Variants in LSAMP observed in about 807,000 individuals in gnomAD.
LSAMP encodes limbic system associated membrane protein, also known as limbic system-associated membrane protein.
LSAMP carries 7 observed loss-of-function variants against 38.6 expected under a neutral mutation model. The ratio of observed to expected loss-of-function variants is 0.18; its 90% CI spans 0.10 to 0.34. LSAMP has a LOEUF of 0.34. Among genes scored for constraint, LSAMP ranks in the 10% least tolerant of loss-of-function variants. LSAMP has a pLI of 1.00. For synonymous variants in LSAMP, 154 were observed against 166.8 expected (o/e 0.92, Z 0.59); for missense variants, 313 against 420.0 (o/e 0.75, Z 2.23).
chr3:115,931,794 G>A (rs1487327437), intron 3 of LSAMP, among the ~76,000 whole-genome samples: 1 of 152,148 alleles, frequency 6.6e-6, no homozygotes, highest in Non-Finnish European at 1.5e-5. Context: ...ACTTTTCTAA[G>A]TTTATTGAAG....
chr3:115,966,029 C>A (rs1337669560), intron 3 of LSAMP, among the ~76,000 whole-genome samples: 1 of 152,152 alleles, frequency 6.6e-6, no homozygotes, highest in Non-Finnish European at 1.5e-5. Flanking sequence ...GGCTCCATGG[C>A]AAACTGGCAG....
chr3:116,273,161 C>T (rs1351479009), intron 1 of LSAMP, among the ~76,000 whole-genome samples: 1 of 152,050 alleles, frequency 6.6e-6, no homozygotes, highest in Admixed American at 6.6e-5. Flanking sequence ...TGACCTACTA[C>T]ACCAGCCAAA....
intron 3 of LSAMP, among the ~76,000 whole-genome samples, chr3:115,869,133 T>C (rs1402862649): frequency 6.6e-6 from 1 of 151,978 alleles, no homozygotes; most frequent in Non-Finnish European, 1.5e-5. Context: ...AATTCAGAAG[T>C]ATAGTAAAGA....
At chr3:116,135,650 G>T (rs1318532709) in intron 1 of LSAMP, among the ~76,000 whole-genome samples, 1 of 152,144 alleles carries the variant, frequency 6.6e-6, no homozygotes, top group East Asian at 1.9e-4. Context: ...ATGGAAACCA[G>T]AAATCACTGC....
chr3:116,328,860 C>G (rs2047811623), intron 1 of LSAMP, among the ~76,000 whole-genome samples: 1 of 151,978 alleles, frequency 6.6e-6, no homozygotes, highest in African/African-American at 2.4e-5. Context: ...TAAAAATTAA[C>G]AGTATTCTTA....
At chr3:116,329,761 C>G (rs2047824019) in intron 1 of LSAMP, among the ~76,000 whole-genome samples, 1 of 151,938 alleles carries the variant, frequency 6.6e-6, no homozygotes, top group Admixed American at 6.6e-5. Flanking sequence ...AGCAGAATAT[C>G]TAATTTTGGA....
chr3:116,427,810 C>T (rs2049223963), intron 1 of LSAMP, among the ~76,000 whole-genome samples: 1 of 152,180 alleles, frequency 6.6e-6, no homozygotes, highest in Non-Finnish European at 1.5e-5. Flanking sequence ...ACCCATGTTA[C>T]ACACTCTCTC....
At chr3:116,424,622 C>T (rs2049171056) in intron 1 of LSAMP, among the ~76,000 whole-genome samples, 1 of 152,128 alleles carries the variant, frequency 6.6e-6, no homozygotes, top group Non-Finnish European at 1.5e-5. Context: ...TACATAGAGA[C>T]TTAGTCTTAT....
intron 2 of LSAMP, among the ~76,000 whole-genome samples, chr3:116,060,965 T>G (rs1412624726): frequency 1.3e-5 from 2 of 151,766 alleles, no homozygotes; most frequent in Admixed American, 6.6e-5. Flanking sequence ...TTTTTAACAT[T>G]TTGCAGTTTA....
At chr3:116,121,077 T>C (rs1317932461) in intron 1 of LSAMP, among the ~76,000 whole-genome samples, 1 of 152,244 alleles carries the variant, frequency 6.6e-6, no homozygotes, top group Non-Finnish European at 1.5e-5. Flanking sequence ...CCCAACATCT[T>C]CAGTTTTTTC....
chr3:116,193,320 T>C (rs921496973), intron 1 of LSAMP, among the ~76,000 whole-genome samples: 1 of 152,284 alleles, frequency 6.6e-6, no homozygotes, highest in Non-Finnish European at 1.5e-5. Context: ...CTTGAGCTCA[T>C]TCAGGCAGGA....
At chr3:116,004,984 A>G (rs1041716697) in intron 3 of LSAMP, among the ~76,000 whole-genome samples, 1 of 152,192 alleles carries the variant, frequency 6.6e-6, no homozygotes, top group South Asian at 2.1e-4. Context: ...AGGGACCCCA[A>G]TTGACACCAG....
At chr3:116,122,335 G>C (rs1196156270) in intron 1 of LSAMP, among the ~76,000 whole-genome samples, 1 of 152,138 alleles carries the variant, frequency 6.6e-6, no homozygotes, top group Non-Finnish European at 1.5e-5. Flanking sequence ...ACCAAGTGAT[G>C]TTTAAATAGG....
At chr3:116,327,850 A>C (rs886214421) in intron 1 of LSAMP, among the ~76,000 whole-genome samples, 2 of 152,192 alleles carry the variant, frequency 1.3e-5, no homozygotes, top group Non-Finnish European at 2.9e-5. Flanking sequence ...GCTGAAGTCT[A>C]TATGATATGC....
intron 1 of LSAMP, among the ~76,000 whole-genome samples, chr3:116,154,518 T>C (rs1192960508): frequency 6.6e-6 from 1 of 152,168 alleles, no homozygotes; most frequent in Non-Finnish European, 1.5e-5. Flanking sequence ...CCATTCGTTT[T>C]AGGTTAATGC....
intron 1 of LSAMP, among the ~76,000 whole-genome samples, chr3:116,286,336 C>A (rs1203849921): frequency 1.3e-5 from 2 of 152,134 alleles, no homozygotes; most frequent in Non-Finnish European, 2.9e-5. Context: ...GCCATGGATA[C>A]AAGCTGTTGA....
Position 116,427,270 on chromosome 3 carries a change from A to G in LSAMP, c.155+17607T>C, listed in dbSNP as rs374441906. 7.7e-4 allele frequency among the ~76,000 whole-genome samples: 116 copies of G among 150,922 alleles called. 2 individuals carry two copies. In the South Asian group the frequency reaches 0.014, roughly 19 times the overall value. On this transcript the variant is annotated intron_variant, in intron 1 of 6. Coordinates refer to ENST00000490035, the MANE Select transcript of LSAMP (RefSeq NM_002338.5). ...CGAGTAGCTGGGACTACAGGCGCCC[A>G]CCACCGCGCCCGGCTAATTTTTTGT...
At chr3:115,855,768 G>T (rs1935489026) in intron 3 of LSAMP, among the ~76,000 whole-genome samples, 2 of 152,084 alleles carry the variant, frequency 1.3e-5, no homozygotes, top group Non-Finnish European at 2.9e-5. Flanking sequence ...CAACCCAAGG[G>T]TCCTGCCAAT....
At chr3:115,894,311 A>C (rs938670359) in intron 3 of LSAMP, among the ~76,000 whole-genome samples, 1 of 151,984 alleles carries the variant, frequency 6.6e-6, no homozygotes, top group African/African-American at 2.4e-5. Context: ...ACTTCCTTCT[A>C]TTAGCATTTT....
Sources: gnomAD v4.1 joint callset for allele counts (sites outside exome capture counted in the v4.1 genomes callset) on GRCh38, gnomAD v4.1.1 for gene constraint, MANE v1.5 for transcripts, NCBI Gene and HGNC (gene_info 2026-07-23, HGNC 2026-07-21) for gene names.